GRIP1: variants seen among roughly 807,000 people sequenced by gnomAD.
GRIP1 encodes glutamate receptor interacting protein 1.
Under a neutral mutation model 129.9 loss-of-function variants are expected in GRIP1, and 45 were observed. That is an observed-to-expected ratio of 0.35 (90% CI 0.27 to 0.44). The LOEUF (loss-of-function observed/expected upper bound fraction) is 0.44, where lower values mean the gene tolerates loss of function less well. GRIP1 is among the 20% of genes least tolerant of loss of function. GRIP1 has a pLI of 1.00. For missense variants in GRIP1, 1,196 were observed against 1,396.8 expected, an observed-to-expected ratio of 0.86 and a Z score of 2.29; for synonymous variants, 530 against 520.8, an observed-to-expected ratio of 1.02 and a Z score of -0.24.
chr12:66,995,862 A>T (rs115912160), intron 1 of GRIP1, among the ~76,000 whole-genome samples: 54 of 152,320 alleles, frequency 3.5e-4, no homozygotes, highest in African/African-American at 1.3e-3. Context: ...TCCACATAAA[A>T]TCTCATACAT....
intron 20 of GRIP1, among the ~76,000 whole-genome samples, chr12:66,377,561 G>A (rs1160262948): frequency 1.4e-4 from 20 of 146,826 alleles, no homozygotes; most frequent in Non-Finnish European, 2.8e-4. Flanking sequence ...GGATGGTCTC[G>A]ATCTCCTGAC....
chr12:66,691,970 T>A (rs112555625), intron 1 of GRIP1, among the ~76,000 whole-genome samples: 21 of 152,292 alleles, frequency 1.4e-4, no homozygotes, highest in East Asian at 5.8e-4. Context: ...TATCTTTTTT[T>A]AAAAAATAAA....
chr12:67,020,696 AT>A (rs1005962534), intron 1 of GRIP1, among the ~76,000 whole-genome samples: 2 of 152,158 alleles, frequency 1.3e-5, no homozygotes, highest in Non-Finnish European at 2.9e-5. Context: ...AGAAAAGCAC[AT>A]TTTAAACCAA....
At chr12:66,765,584 C>T (rs970091011) in intron 1 of GRIP1, among the ~76,000 whole-genome samples, 2 of 152,176 alleles carry the variant, frequency 1.3e-5, no homozygotes, top group Non-Finnish European at 2.9e-5. Flanking sequence ...ATCTAATCCT[C>T]ATTCCTAGTG....
intron 1 of GRIP1, among the ~76,000 whole-genome samples, chr12:66,754,106 G>C (rs2136632398): frequency 6.6e-6 from 1 of 152,300 alleles, no homozygotes; most frequent in Non-Finnish European, 1.5e-5. Context: ...CCCCTTAGGG[G>C]TTAAGTGACA....
chr12:66,418,141 A>G (rs1191842177), intron 15 of GRIP1, among the ~76,000 whole-genome samples: 1 of 152,222 alleles, frequency 6.6e-6, no homozygotes, highest in East Asian at 1.9e-4. Context: ...CCACATGCCT[A>G]CAGTGAACTC....
intron 1 of GRIP1, among the ~76,000 whole-genome samples, chr12:66,916,531 T>C (rs2041125316): frequency 6.6e-6 from 1 of 152,274 alleles, no homozygotes; most frequent in African/African-American, 2.4e-5. Context: ...GTGCCTTTCA[T>C]GTTTAAAAAA....
intron 1 of GRIP1, among the ~76,000 whole-genome samples, chr12:66,833,613 C>T (rs1475546822): frequency 6.6e-6 from 1 of 152,150 alleles, no homozygotes; most frequent in Non-Finnish European, 1.5e-5. Context: ...GACTTGTACC[C>T]CTTCCCCACC....
chr12:66,872,511 G>A (rs1196245834), intron 1 of GRIP1, among the ~76,000 whole-genome samples: 1 of 151,970 alleles, frequency 6.6e-6, no homozygotes, highest in Non-Finnish European at 1.5e-5. Context: ...CAAGGTTTGT[G>A]TTTCTTTCAA....
rs181319217 is a variant in GRIP1 at position 66,925,708 on chromosome 12, G to A, written c.58+143342C>T. On this transcript the variant is annotated intron_variant, in intron 1 of 1. Transcript: ENST00000643019. Reference sequence around the variant, plus strand: ...TTCCCAGGCTGGAGTGCAATGGAGCGATCTTGGCTCACTGCAACCTCCACC... The same window carrying A: ...TTCCCAGGCTGGAGTGCAATGGAGCAATCTTGGCTCACTGCAACCTCCACC... 1.9e-3 allele frequency among the ~76,000 whole-genome samples: 290 copies of A among 152,116 alleles called. 1 individual carries two copies. Among genetic ancestry groups the A allele is most frequent in the Middle Eastern group, 0.01 (3 of 294 alleles).
chr12:66,533,446 A>C (rs1479116312), intron 4 of GRIP1, among the ~76,000 whole-genome samples: 1 of 151,920 alleles, frequency 6.6e-6, no homozygotes, highest in Non-Finnish European at 1.5e-5. Context: ...GGAGTTTGAG[A>C]CCAGCCTGGT....
intron 2 of GRIP1, chr12:66,569,034 A>G: frequency 2.5e-6 from 1 of 400,698 alleles, no homozygotes; most frequent in Non-Finnish European, 4.9e-6. Context: ...TCTGGTCTTC[A>G]GCAGTCTGCA....
chr12:66,491,554 C>T (rs2060104009), intron 7 of GRIP1, among the ~76,000 whole-genome samples: 1 of 152,096 alleles, frequency 6.6e-6, no homozygotes, highest in Admixed American at 6.6e-5. Context: ...ATCTGTGTAG[C>T]AAACCACCAT....
chr12:66,566,731 C>T (rs2062773219), intron 2 of GRIP1, among the ~76,000 whole-genome samples: 1 of 152,012 alleles, frequency 6.6e-6, no homozygotes, highest in Non-Finnish European at 1.5e-5. Context: ...TGGTAAAATT[C>T]GGCTGTGAAT....
intron 7 of GRIP1, among the ~76,000 whole-genome samples, chr12:66,504,586 C>T (rs1012978833): frequency 7.9e-5 from 12 of 152,096 alleles, no homozygotes; most frequent in African/African-American, 2.9e-4. Context: ...TCCTTCAAGC[C>T]TCAACAATCT....
chr12:66,994,674 A>G (rs965719943), intron 1 of GRIP1, among the ~76,000 whole-genome samples: 2 of 152,096 alleles, frequency 1.3e-5, no homozygotes, highest in Non-Finnish European at 2.9e-5. Context: ...TCTGAATACT[A>G]TAAAATGTTG....
chr12:66,447,346 T>C (rs1342578857), intron 11 of GRIP1, among the ~76,000 whole-genome samples: 1 of 152,230 alleles, frequency 6.6e-6, no homozygotes, highest in Non-Finnish European at 1.5e-5. Flanking sequence ...TGAAGGGTGC[T>C]AGGAAAAGTC....
intron 1 of GRIP1, among the ~76,000 whole-genome samples, chr12:66,868,033 A>G (rs1353911647): frequency 6.6e-6 from 1 of 152,218 alleles, no homozygotes; most frequent in Non-Finnish European, 1.5e-5. Flanking sequence ...GATTGATAAA[A>G]GATGGAATAA....
intron 4 of GRIP1, among the ~76,000 whole-genome samples, chr12:66,531,061 C>T (rs2061427503): frequency 6.6e-6 from 1 of 151,512 alleles, no homozygotes. Flanking sequence ...ATCGTGAAAC[C>T]TCATCTCTAC....
Sources: allele counts gnomAD v4.1 joint callset (sites outside exome capture counted in the v4.1 genomes callset), GRCh38; gene constraint gnomAD v4.1.1; transcripts MANE v1.5; gene names NCBI Gene and HGNC (gene_info 2026-07-23, HGNC 2026-07-21).